The following SLC27A3 variants were observed in gnomAD, a reference collection of about 807,000 sequenced individuals.
SLC27A3 encodes solute carrier family 27 member 3.
In SLC27A3, 60 loss-of-function variants were observed where a neutral mutation model predicts 60.1. That is an observed-to-expected ratio of 1.00 (90% CI 0.81 to 1.24). The LOEUF is 1.24. SLC27A3 is among the 50% of genes most tolerant of loss of function. The probability of loss-of-function intolerance (pLI) is 0.00; values close to 1 mark genes in which losing one functional copy is unlikely to be tolerated. For missense variants in SLC27A3, 1,079 were observed against 929.9 expected (o/e 1.16, Z -2.09); for synonymous variants, 455 against 409.0 (o/e 1.11, Z -1.36).
chr1:153,777,193 C>T lies in SLC27A3; in HGVS notation c.1009C>T (p.Leu337=), dbSNP rs746544937. 2.2e-5 allele frequency: 35 copies of T among 1,614,164 alleles called. No homozygotes were observed. In the East Asian group the frequency reaches 3.1e-4, roughly 14 times the overall value. The change falls in exon 3 of 10, where the codon CTG becomes TTG. Residue 337 remains leucine (L), a synonymous_variant. Transcript: ENST00000624995. ...LPLYHMSGSL[L]GIVGCMGIGA... ...ACTCTACCACATGTCCGGTTCCCTG[C>T]TGGGCATCGTGGGCTGCATGGGCAT...
rs772801728 is a variant in SLC27A3, at chr1:153,775,744, T to C, written c.247T>C (p.Phe83Leu). The C allele has an allele frequency of 4.1e-5, 62 of 1,513,698 alleles. No individual in the cohort carries two copies. Among genetic ancestry groups the C allele is most frequent in the African/African-American group, 5.7e-5 (4 of 70,010 alleles). 93.8% of individuals were successfully genotyped at this position (1,513,698 alleles called of 1,614,324 possible). ...GGCCCAGCAGCGCGCCGCGCACACC[T>C]TTCTCATTCACGGCTCGCGGCGCTT... ...ELAQQRAAHT[F>L]LIHGSRRFSY... The change falls in exon 1 of 10, where the codon TTT (phenylalanine) becomes CTT (leucine). Residue 83 changes from phenylalanine (F) to leucine (L), a missense_variant. Phe to Leu is a conservative substitution (Grantham distance 22). Coordinates refer to ENST00000624995, the MANE Select transcript of SLC27A3 (RefSeq NM_024330.4).
intron 3 of SLC27A3, 184 bp from the exon 4 acceptor site, chr1:153,777,577 G>A (rs956229135): frequency 4.6e-5 from 35 of 755,336 alleles, no homozygotes; most frequent in African/African-American, 1.8e-5. Context: ...CTCTTCTAAG[G>A]CTGGGGACAG....
chr1:153,779,699 C>A, intron 9 of SLC27A3, 127 bp from the exon 10 acceptor site: 1 of 989,066 alleles, frequency 1.0e-6, no homozygotes, highest in South Asian at 1.6e-5. Context: ...CCTGTCACCT[C>A]CTCCCCTAAA....
At chr1:153,777,477 G>C in intron 3 of SLC27A3, 5 of 615,582 alleles carry the variant, frequency 8.1e-6, no homozygotes, top group Non-Finnish European at 1.4e-5. Flanking sequence ...CCAGGAACAG[G>C]CAAGTAAGAG....
intron 3 of SLC27A3, 189 bp downstream of exon 3, chr1:153,777,409 C>T: frequency 1.4e-6 from 1 of 700,996 alleles, no homozygotes; most frequent in Non-Finnish European, 2.3e-6. Flanking sequence ...GTGAGGGGGG[C>T]CATACAGCCA....
chr1:153,778,133 G>A (rs762781326), intron 4 of SLC27A3, 28 bp from the exon 5 acceptor site: 14 of 1,582,962 alleles, frequency 8.8e-6, no homozygotes, highest in Non-Finnish European at 1.2e-5. Context: ...TGATGCTGAA[G>A]CTCCGGCCCC....
rs1393517739 is a variant in SLC27A3 at position 153,779,452 on chromosome 1, G to GT, written c.1854_1855insT (p.Pro619SerfsTer26). ...CTGAGAACTTGCCACCTTATGCCCG[G>GT]CCCCGATTCCTCAGGCTCCAGGTAA... On this transcript the variant is annotated frameshift_variant, in exon 9 of 10. Transcript: ENST00000624995. LOFTEE classifies it low-confidence loss of function (END_TRUNC). 5 of 1,613,444 alleles carry GT rather than the reference G, an allele frequency of 3.1e-6. No individual in the cohort carries two copies. The highest frequency in any genetic ancestry group is 3.4e-6 in the Non-Finnish European group (4 of 1,179,940).
chr1:153,777,056 C>A lies in SLC27A3; in HGVS notation c.878-6C>A, dbSNP rs1472827326. On this transcript the variant is annotated splice_polypyrimidine_tract_variant and splice_region_variant and intron_variant, in intron 2 of 9. Transcript: ENST00000624995. ...CCCTGATCGTCCCATAACTGCCACC[C>A]CACAGGCCTCCCCAAGGCTGCTCGG... The A allele has an allele frequency of 1.2e-6, 2 of 1,614,030 alleles. No homozygotes were observed. The highest frequency in any genetic ancestry group is 1.7e-5 in the Admixed American group (1 of 60,014).
rs1255787759 is a variant in SLC27A3, at chr1:153,778,903, G to A, written c.1646+18G>A. ...ACCTTCAGGTATCTGTCCATAACTGGTTTTTCATCCTGGACATCTGATCTC... is the reference window on the plus strand; with the variant it reads ...ACCTTCAGGTATCTGTCCATAACTGATTTTTCATCCTGGACATCTGATCTC... On this transcript the variant is annotated intron_variant, in intron 7 of 9. Transcript: ENST00000624995. 2 of 1,612,016 alleles carry A rather than the reference G, an allele frequency of 1.2e-6. No homozygotes were observed. Among genetic ancestry groups the A allele is most frequent in the Middle Eastern group, 1.7e-4 (1 of 6,040 alleles).
intron 1 of SLC27A3, 57 bp from the exon 2 acceptor site, chr1:153,776,461 C>T: frequency 1.3e-6 from 2 of 1,501,066 alleles, no homozygotes; most frequent in Non-Finnish European, 1.8e-6. Flanking sequence ...GGACATGGGT[C>T]ATAGGCTCTT....
intron 1 of SLC27A3, 78 bp from the exon 2 acceptor site, chr1:153,776,440 G>A: frequency 7.2e-7 from 1 of 1,397,318 alleles, no homozygotes; most frequent in Non-Finnish European, 9.8e-7. Flanking sequence ...GTGTGGGCTG[G>A]GATAGGGAGG....
In SLC27A3 at chr1:153,778,756, A is replaced by G; in HGVS notation, c.1517A>G (p.Glu506Gly). 6.2e-7 allele frequency: 1 copy of G among 1,613,994 alleles called. No homozygotes were observed. Among genetic ancestry groups the G allele is most frequent in the East Asian group, 2.2e-5 (1 of 44,870 alleles). Residue 506 changes from glutamate to glycine, a missense_variant, in exon 7 of 10, where the codon GAG becomes GGG. Physicochemically the swap from Glu to Gly is moderately conservative, Grantham distance 98. Coordinates refer to ENST00000624995, the MANE Select transcript of SLC27A3 (RefSeq NM_024330.4). ...TTCCTGGGCTATGCTGGCGGGCCAG[A>G]GCTGGCCCAGGGGAAGTTGCTAAAG... ...SPFLGYAGGP[E>G]LAQGKLLKDV...
chr1:153,778,052 T>A (rs1171905329), intron 4 of SLC27A3, 109 bp from the exon 5 acceptor site: 17 of 1,474,630 alleles, frequency 1.2e-5, no homozygotes, highest in Middle Eastern at 4.8e-4. Flanking sequence ...TTACGGCCTC[T>A]GAAGGAGGTC....
At position 153,779,941 on chromosome 1, in the gene SLC27A3, C is replaced by T. The variant is rs1673452633; in HGVS notation, c.1991C>T (p.Ala664Val). 3 of 1,614,050 alleles carry T rather than the reference C, an allele frequency of 1.9e-6. No individual in the cohort carries two copies. The highest frequency in any genetic ancestry group is 2.5e-6 in the Non-Finnish European group (3 of 1,180,026). Reference protein sequence around the residue: ...PLYVLDQAVGAYLPLTTARYS... With the variant: ...PLYVLDQAVGVYLPLTTARYS... ...TACGTTCTGGACCAGGCTGTAGGTGCCTACCTGCCCCTCACAACTGCCCGG... is the reference window on the plus strand; with the variant it reads ...TACGTTCTGGACCAGGCTGTAGGTGTCTACCTGCCCCTCACAACTGCCCGG... Residue 664 changes from alanine (A) to valine (V), a missense_variant, in exon 10 of 10, where the codon GCC (alanine) becomes GTC (valine). Coordinates refer to ENST00000624995, the MANE Select transcript of SLC27A3 (RefSeq NM_024330.4).
Position 153,776,636 on chromosome 1 carries a change from C to T in SLC27A3, c.786C>T (p.Ser262=), listed in dbSNP as rs767260999. ...TTAGCGATTTGCTGGCTGAAGTGTC[C>T]GCTGAAGTGGATGGGCCAGTGCCAG... The part of the protein sequence containing the change: ...AGISDLLAEV[S]AEVDGPVPGY... The change falls in exon 2 of 10, where the codon TCC becomes TCT. Residue 262 remains serine, a synonymous_variant. Transcript: ENST00000624995. The T allele has an allele frequency of 2.2e-5, 35 of 1,614,064 alleles. No homozygotes were observed. Among genetic ancestry groups the T allele is most frequent in the South Asian group, 1.3e-4 (12 of 91,092 alleles).
Position 153,775,522 on chromosome 1 carries a change from C to A in SLC27A3, c.25C>A (p.Leu9Met). The A allele has an allele frequency of 6.2e-7, 1 of 1,613,124 alleles. No homozygotes were observed. Among genetic ancestry groups the A allele is most frequent in the Non-Finnish European group, 8.5e-7 (1 of 1,180,022 alleles). ...CATGGCTGCCCTCCTGCTGCTGCCC[C>A]TGCTGCTGTTGCTACCGCTGCTGCT... MAALLLLPLLLLLPLLLLK... is the reference protein window; with the variant it reads MAALLLLPMLLLLPLLLLK... The change falls in exon 1 of 10, where the codon CTG becomes ATG. Residue 9 changes from leucine (L) to methionine (M), a missense_variant. Leu to Met is a conservative substitution (Grantham distance 15). Transcript: ENST00000624995.
chr1:153,775,450 T>C lies in SLC27A3; in HGVS notation c.-48T>C. 1 of 1,612,592 alleles carries C rather than the reference T, an allele frequency of 6.2e-7. No individual in the cohort carries two copies. Among genetic ancestry groups the C allele is most frequent in the South Asian group, 1.1e-5 (1 of 91,056 alleles). Reference sequence around the variant, plus strand: ...TTTTCGGAAGGGAGGATCAGGGATGTTTGCGAGCGGCTGGAACCAGACGGT... The same window carrying C: ...TTTTCGGAAGGGAGGATCAGGGATGCTTGCGAGCGGCTGGAACCAGACGGT... On this transcript the variant is annotated 5_prime_UTR_variant, in exon 1 of 10. Coordinates refer to ENST00000624995, the MANE Select transcript of SLC27A3 (RefSeq NM_024330.4).
intron 2 of SLC27A3, 54 bp downstream of exon 2, chr1:153,776,781 G>A: frequency 6.4e-7 from 1 of 1,556,818 alleles, no homozygotes. Flanking sequence ...AGGAAGGCAG[G>A]GGTCTGCTCC....
intron 9 of SLC27A3, 154 bp from the exon 10 acceptor site, chr1:153,779,672 C>T: frequency 1.1e-6 from 1 of 903,532 alleles, no homozygotes; most frequent in Admixed American, 2.7e-5. Flanking sequence ...CTTCTTCTGG[C>T]CTGGCTCTTT....
Sources: allele counts gnomAD v4.1 joint callset, GRCh38; gene constraint gnomAD v4.1.1; transcripts MANE v1.5; gene names NCBI Gene and HGNC (gene_info 2026-07-23, HGNC 2026-07-21).